Variants in APPL1 observed in about 807,000 individuals in gnomAD.
APPL1 encodes the protein adaptor protein, phosphotyrosine interacting with PH domain and leucine zipper 1, also known as DCC-interacting protein 13-alpha.
Under a neutral mutation model 106.8 loss-of-function variants are expected in APPL1, and 42 were observed. The observed-to-expected ratio is 0.39, with a 90% CI of 0.31 to 0.51. APPL1 has a LOEUF of 0.51. APPL1 is among the 20% of genes least tolerant of loss of function. The probability of loss-of-function intolerance (pLI) is 0.75; values close to 1 mark genes in which losing one functional copy is unlikely to be tolerated. For synonymous variants in APPL1, 263 were observed against 281.8 expected, an observed-to-expected ratio of 0.93 and a Z score of 0.67; for missense variants, 769 against 858.2, an observed-to-expected ratio of 0.90 and a Z score of 1.30.
chr3:57,248,070 ACC>A (rs2060784136), intron 9 of APPL1, 121 bp from the exon 10 acceptor site: 1 of 951,308 alleles, frequency 1.1e-6, no homozygotes. Flanking sequence ...TGTTGTTTTA[ACC>A]ACCCATGCCG....
chr3:57,262,794 G>GT (rs930856335), intron 19 of APPL1, among the ~76,000 whole-genome samples: 2 of 148,332 alleles, frequency 1.3e-5, no homozygotes, highest in Non-Finnish European at 1.5e-5. Context: ...TTTGTTTTTC[G>GT]TTTTTTGTGG....
chr3:57,268,664 T>A, intron 21 of APPL1, 177 bp downstream of exon 21: 5 of 540,048 alleles, frequency 9.3e-6, no homozygotes, highest in Non-Finnish European at 1.4e-5. Context: ...GATATGATGT[T>A]TACATTATAG....
intron 4 of APPL1, among the ~76,000 whole-genome samples, chr3:57,238,636 C>T (rs918926870): frequency 2.0e-5 from 3 of 152,208 alleles, no homozygotes; most frequent in Non-Finnish European, 4.4e-5. Context: ...CTCTTCTTTT[C>T]ACATGGACCA....
chr3:57,267,348 C>T (rs1344413955), intron 19 of APPL1, among the ~76,000 whole-genome samples: 1 of 152,234 alleles, frequency 6.6e-6, no homozygotes, highest in Admixed American at 6.5e-5. Flanking sequence ...TTCCCTGCCA[C>T]TGATAGCTGG....
chr3:57,251,157 T>C (rs1190243004), intron 11 of APPL1, among the ~76,000 whole-genome samples: 1 of 151,254 alleles, frequency 6.6e-6, no homozygotes, highest in East Asian at 2.0e-4. Flanking sequence ...TCCCTGACAG[T>C]CATTTTTTCC....
intron 1 of APPL1, among the ~76,000 whole-genome samples, chr3:57,233,453 T>C (rs2060699415): frequency 6.6e-6 from 1 of 151,548 alleles, no homozygotes; most frequent in African/African-American, 2.4e-5. Context: ...TACATAAATA[T>C]GTAACTCCTT....
intron 1 of APPL1, among the ~76,000 whole-genome samples, chr3:57,231,338 C>CAAAAA (rs71088043): frequency 9.7e-5 from 7 of 72,226 alleles, no homozygotes; most frequent in Admixed American, 2.0e-4. Context: ...GACTCCGTCT[C>CAAAAA]AAAAAAAAAA....
rs779120028 is a variant in APPL1 at position 57,252,287 on chromosome 3, A to G, written c.1071A>G (p.Ala357=). ...CTTCCAGATCTTCAATTTTGCAAGC[A>G]GAGAGTAAAAAAGATCATGAAGAGG... ...FDGKKSSILQ[A]ESKKDHEEWI... is the part of the protein sequence containing the mutation. The change falls in exon 12 of 22, where the codon GCA becomes GCG. Residue 357 remains alanine, a synonymous_variant. Coordinates refer to ENST00000288266, the MANE Select transcript of APPL1 (RefSeq NM_012096.3). 3.1e-6 allele frequency: 5 copies of G among 1,609,282 alleles called. No homozygotes were observed. Among genetic ancestry groups the G allele is most frequent in the Non-Finnish European group, 4.2e-6 (5 of 1,178,240 alleles).
At chr3:57,231,542 CT>C (rs1197624874) in intron 1 of APPL1, among the ~76,000 whole-genome samples, 1 of 151,598 alleles carries the variant, frequency 6.6e-6, no homozygotes, top group Non-Finnish European at 1.5e-5. Context: ...CTGCCAGTTG[CT>C]ACCTAAAAAA....
At chr3:57,250,718 C>T (rs1403943846) in intron 11 of APPL1, among the ~76,000 whole-genome samples, 1 of 151,546 alleles carries the variant, frequency 6.6e-6, no homozygotes, top group Non-Finnish European at 1.5e-5. Flanking sequence ...ATAATTTAAA[C>T]ATTTTCCTAA....
chr3:57,231,812 A>G (rs2060688371), intron 1 of APPL1, among the ~76,000 whole-genome samples: 1 of 150,366 alleles, frequency 6.7e-6, no homozygotes, highest in South Asian at 2.1e-4. Flanking sequence ...TGGCTCTTAA[A>G]AAAAAAAAAA....
intron 16 of APPL1, 163 bp from the exon 17 acceptor site, chr3:57,259,682 G>A: frequency 1.8e-6 from 1 of 558,060 alleles, no homozygotes; most frequent in South Asian, 3.3e-5. Context: ...CTGTAGTTAG[G>A]AGTTATTTTG....
chr3:57,245,033 A>AGGTTTTGTGTACAAAACTATCTTC (rs1396895146), intron 7 of APPL1, among the ~76,000 whole-genome samples: 2 of 152,138 alleles, frequency 1.3e-5, no homozygotes, highest in African/African-American at 4.8e-5. Context: ...GCAGAAGAAC[A>AGGTTTTGTGTACAAAACTATCTTC]GGTTTTGTGT....
intron 11 of APPL1, among the ~76,000 whole-genome samples, chr3:57,250,943 G>C (rs1395964074): frequency 6.7e-6 from 1 of 149,550 alleles, no homozygotes; most frequent in African/African-American, 2.4e-5. Context: ...GAGTAGCTGG[G>C]ACTACAGGCG....
At chr3:57,243,658 A>G (rs1051579437) in intron 7 of APPL1, among the ~76,000 whole-genome samples, 3 of 152,230 alleles carry the variant, frequency 2.0e-5, no homozygotes, top group Non-Finnish European at 2.9e-5. Context: ...AAAGTTTAGT[A>G]CAAAGATTGA....
intron 19 of APPL1, among the ~76,000 whole-genome samples, chr3:57,266,470 A>G (rs2060895086): frequency 6.6e-6 from 1 of 152,094 alleles, no homozygotes; most frequent in South Asian, 2.1e-4. Flanking sequence ...TGATTTTCCA[A>G]TTTACTAGCA....
chr3:57,262,642 T>G (rs2060872822), intron 19 of APPL1, among the ~76,000 whole-genome samples: 1 of 151,746 alleles, frequency 6.6e-6, no homozygotes, highest in South Asian at 2.1e-4. Flanking sequence ...TGCCTTGGCC[T>G]CCCAAAGTGC....
rs1173540135 is a variant in APPL1, at chr3:57,228,135, C to T, written c.54+198C>T. ...CCAAGGCCCGCGTGGGCCTGCTCGGCTGGGCCGAGGGCCGCAGGCGGAGAC... is the reference window on the plus strand; with the variant it reads ...CCAAGGCCCGCGTGGGCCTGCTCGGTTGGGCCGAGGGCCGCAGGCGGAGAC... On this transcript the variant is annotated intron_variant, in intron 1 of 21. Transcript: ENST00000288266. The surrounding 1 kb of genome is among the most constrained non-coding windows in gnomAD (Gnocchi z 4.6). 1.3e-5 allele frequency among the ~76,000 whole-genome samples: 2 copies of T among 152,062 alleles called. No individual in the cohort carries two copies. The highest frequency in any genetic ancestry group is 4.8e-5 in the African/African-American group (2 of 41,532).
At position 57,263,491 on chromosome 3, in the gene APPL1, A is replaced by G. The variant is rs147391163; in HGVS notation, c.1842+2717A>G. 4.6e-5 allele frequency among the ~76,000 whole-genome samples: 7 copies of G among 151,528 alleles called. No individual in the cohort carries two copies. In the East Asian group the frequency reaches 1.4e-3, roughly 30 times the overall value. On this transcript the variant is annotated intron_variant, in intron 19 of 21. Coordinates refer to ENST00000288266, the MANE Select transcript of APPL1 (RefSeq NM_012096.3). ...TTGTTTTGATTTTTAGATCCCACAG[A>G]TAAGTGAAAACATGCAATATTTGTC...
Sources: allele counts gnomAD v4.1 joint callset (sites outside exome capture counted in the v4.1 genomes callset), GRCh38; gene constraint gnomAD v4.1.1; non-coding constraint Gnocchi (gnomAD v3.1); transcripts MANE v1.5; gene names NCBI Gene and HGNC (gene_info 2026-07-23, HGNC 2026-07-21).